RNGTT: variants seen among roughly 807,000 people sequenced by gnomAD.
RNGTT encodes the protein mRNA-capping enzyme.
Under a neutral mutation model 79.3 loss-of-function variants are expected in RNGTT, and 33 were observed. The observed-to-expected ratio is 0.42, with a 90% CI of 0.32 to 0.56. The LOEUF (loss-of-function observed/expected upper bound fraction) is 0.56, where lower values mean the gene tolerates loss of function less well. Among genes scored for constraint, RNGTT ranks in the 20% least tolerant of loss-of-function variants. The probability of loss-of-function intolerance (pLI) is 0.17; values close to 1 mark genes in which losing one functional copy is unlikely to be tolerated. For synonymous variants in RNGTT, 222 were observed against 235.9 expected (o/e 0.94, Z 0.54); for missense variants, 497 against 739.1 (o/e 0.67, Z 3.80).
rs746874236 is a variant in RNGTT at position 88,891,834 on chromosome 6, TCTG to T, written c.763_765del (p.Gln255del). The T allele has an allele frequency of 6.3e-7, 1 of 1,596,646 alleles. No individual in the cohort carries two copies. Among genetic ancestry groups the T allele is most frequent in the Non-Finnish European group, 8.5e-7 (1 of 1,171,908 alleles). Reference sequence around the variant, plus strand: ...TCCCAGCCACAGAATTGATGACACTTCTGCTGTACCTCTCCTAACTTTGGTTGT... The same window carrying T: ...TCCCAGCCACAGAATTGATGACACTTCTGTACCTCTCCTAACTTTGGTTGT... On this transcript the variant is annotated inframe_deletion, in exon 7 of 16. Coordinates refer to ENST00000369485, the MANE Select transcript of RNGTT (RefSeq NM_003800.5).
rs75867072 is a variant in RNGTT at position 88,830,247 on chromosome 6, G to T, written c.1269+14110C>A. Among the ~76,000 whole-genome samples the T allele has an allele frequency of 2.1e-3, 326 of 152,116 alleles. 1 individual carries two copies. The highest frequency in any genetic ancestry group is 7.3e-3 in the African/African-American group (301 of 41,496). ...GGATTAAGAAACTCACTCAAAAACC[G>T]CACAACTACATGGAAACTGAACAAC... On this transcript the variant is annotated intron_variant, in intron 11 of 15. Coordinates refer to ENST00000369485, the MANE Select transcript of RNGTT (RefSeq NM_003800.5).
intron 13 of RNGTT, among the ~76,000 whole-genome samples, chr6:88,736,787 A>C (rs1777301916): frequency 6.6e-6 from 1 of 152,244 alleles, no homozygotes; most frequent in African/African-American, 2.4e-5. Flanking sequence ...GAATGAAGGA[A>C]GGCAGACTTC....
intron 14 of RNGTT, among the ~76,000 whole-genome samples, chr6:88,622,870 A>G (rs1772489239): frequency 6.6e-6 from 1 of 152,144 alleles, no homozygotes; most frequent in Admixed American, 6.6e-5. Context: ...AACAAGGTAG[A>G]CACAGTCTCT....
chr6:88,940,994 T>A, intron 2 of RNGTT, 77 bp downstream of exon 2: 2 of 751,766 alleles, frequency 2.7e-6, no homozygotes, highest in Non-Finnish European at 4.3e-6. Context: ...ATAATAAGAT[T>A]TTTTTAAAAG....
intron 5 of RNGTT, among the ~76,000 whole-genome samples, chr6:88,905,913 G>A (rs1383673604): frequency 6.6e-6 from 1 of 152,202 alleles, no homozygotes; most frequent in African/African-American, 2.4e-5. Context: ...GGGAGGCCAA[G>A]GGTGGAAGAT....
At position 88,632,536 on chromosome 6, in the gene RNGTT, G is replaced by GAC. The variant is rs1300944817; in HGVS notation, c.1507-18143_1507-18142dup. Among the ~76,000 whole-genome samples the GAC allele has an allele frequency of 3.5e-3, 344 of 98,460 alleles. 2 individuals carry two copies. The highest frequency in any genetic ancestry group is 9.8e-3 in the African/African-American group (311 of 31,746). 64.6% of individuals were successfully genotyped at this position (98,460 alleles called of 152,430 possible). On this transcript the variant is annotated intron_variant, in intron 14 of 15. Transcript: ENST00000369485. The stretch of plus-strand genomic sequence containing the variant: ...TATAGCAACCAACTACAGACACACA[G>GAC]ACACACAGACACACACACACACACA...
At chr6:88,902,755 G>C (rs1340636091) in intron 6 of RNGTT, among the ~76,000 whole-genome samples, 1 of 143,810 alleles carries the variant, frequency 7.0e-6, no homozygotes, top group African/African-American at 2.7e-5. Context: ...GGGTACAGTG[G>C]CGCAATCTTG....
intron 12 of RNGTT, among the ~76,000 whole-genome samples, chr6:88,796,342 T>C (rs1398366931): frequency 5.9e-5 from 9 of 152,176 alleles, no homozygotes; most frequent in Admixed American, 3.3e-4. Flanking sequence ...TCTTCCATAG[T>C]ATAATTTTAC....
intron 14 of RNGTT, among the ~76,000 whole-genome samples, chr6:88,618,497 A>AC (rs1310257005): frequency 6.6e-6 from 1 of 152,130 alleles, no homozygotes; most frequent in African/African-American, 2.4e-5. Context: ...CTAAAACAGG[A>AC]CCCCATCAGG....
intron 13 of RNGTT, among the ~76,000 whole-genome samples, chr6:88,729,777 G>C (rs1777047363): frequency 6.6e-6 from 1 of 152,200 alleles, no homozygotes; most frequent in Admixed American, 6.5e-5. Flanking sequence ...CACCGCCCCT[G>C]ATGGAAGTAT....
At chr6:88,763,050 A>T (rs1778322455) in intron 13 of RNGTT, among the ~76,000 whole-genome samples, 1 of 148,366 alleles carries the variant, frequency 6.7e-6, no homozygotes, top group Non-Finnish European at 1.5e-5. Context: ...TTAGCCTCCA[A>T]GTAGCTGGGA....
chr6:88,656,639 G>A (rs931993143), intron 14 of RNGTT, among the ~76,000 whole-genome samples: 2 of 152,010 alleles, frequency 1.3e-5, no homozygotes, highest in Non-Finnish European at 2.9e-5. Context: ...AACTTTTCTA[G>A]GGAGAGGGTT....
intron 13 of RNGTT, among the ~76,000 whole-genome samples, chr6:88,700,084 A>G (rs1314484120): frequency 1.3e-5 from 2 of 152,216 alleles, no homozygotes; most frequent in African/African-American, 4.8e-5. Context: ...GGCTGTCATG[A>G]CAGAAAAAAG....
chr6:88,749,780 A>G (rs941997956), intron 13 of RNGTT, among the ~76,000 whole-genome samples: 2 of 152,194 alleles, frequency 1.3e-5, no homozygotes, highest in African/African-American at 2.4e-5. Flanking sequence ...AACAAAGTGG[A>G]CGGCTTAAAA....
chr6:88,812,020 T>C (rs1780155716), intron 11 of RNGTT, among the ~76,000 whole-genome samples: 1 of 152,212 alleles, frequency 6.6e-6, no homozygotes, highest in Non-Finnish European at 1.5e-5. Flanking sequence ...TATTCAATGC[T>C]TCTGTACTCT....
At chr6:88,757,040 T>C (rs747750519) in intron 13 of RNGTT, among the ~76,000 whole-genome samples, 2 of 152,230 alleles carry the variant, frequency 1.3e-5, no homozygotes, top group Non-Finnish European at 2.9e-5. Context: ...GCCACACTGC[T>C]ACATTACCAA....
intron 1 of RNGTT, among the ~76,000 whole-genome samples, chr6:88,943,606 G>A (rs1395443738): frequency 6.6e-6 from 1 of 151,312 alleles, no homozygotes; most frequent in Admixed American, 6.6e-5. Flanking sequence ...GAAAAGCCCT[G>A]CCCTCATAGT....
chr6:88,811,306 AC>A (rs1170740720), intron 11 of RNGTT, among the ~76,000 whole-genome samples: 3 of 152,232 alleles, frequency 2.0e-5, no homozygotes, highest in Non-Finnish European at 4.4e-5. Flanking sequence ...AAAGCATGAT[AC>A]TTTTCATAAG....
chr6:88,764,750 G>A (rs1582432544), intron 13 of RNGTT, among the ~76,000 whole-genome samples: 1 of 152,130 alleles, frequency 6.6e-6, no homozygotes, highest in East Asian at 1.9e-4. Flanking sequence ...CAAAATTGGA[G>A]CATATTTTCT....
Sources: allele counts gnomAD v4.1 joint callset (sites outside exome capture counted in the v4.1 genomes callset), GRCh38; gene constraint gnomAD v4.1.1; transcripts MANE v1.5; gene names NCBI Gene and HGNC (gene_info 2026-07-23, HGNC 2026-07-21).